Variants in USP34 observed in about 807,000 individuals in gnomAD.
The protein encoded by USP34 is ubiquitin carboxyl-terminal hydrolase 34.
In USP34, 70 loss-of-function variants were observed where a neutral mutation model predicts 460.3. The ratio of observed to expected loss-of-function variants is 0.15; its 90% CI spans 0.13 to 0.19. The LOEUF (loss-of-function observed/expected upper bound fraction) is 0.19. Among genes scored for constraint, USP34 ranks in the 10% least tolerant of loss-of-function variants. USP34 has a pLI of 1.00. For synonymous variants in USP34, 1,647 were observed against 1,405.3 expected, an observed-to-expected ratio of 1.17 and a Z score of -3.85; for missense variants, 3,985 against 4,236.2, an observed-to-expected ratio of 0.94 and a Z score of 1.65.
At position 61,190,423 on chromosome 2, in the gene USP34, G is replaced by C. The variant is rs1466612269; in HGVS notation, c.9730-9C>G. On this transcript the variant is annotated splice_polypyrimidine_tract_variant and intron_variant, in intron 77 of 79. Coordinates refer to ENST00000398571, the MANE Select transcript of USP34 (RefSeq NM_014709.4). ...AACACTTGACTTTGAACCTGAAAAA[G>C]AAGATTTAAAAAAATCTCCAAAAGA... 1.9e-6 allele frequency: 3 copies of C among 1,598,322 alleles called. No homozygotes were observed. The highest frequency in any genetic ancestry group is 1.4e-5 in the African/African-American group (1 of 73,752).
intron 1 of USP34, among the ~76,000 whole-genome samples, chr2:61,433,490 C>T (rs532149766): frequency 5.9e-5 from 9 of 151,970 alleles, no homozygotes; most frequent in Non-Finnish European, 1.0e-4. Flanking sequence ...AAAAATTAGC[C>T]GGGCGTGGTG....
Position 61,188,074 on chromosome 2 carries a change from C to G in USP34, c.*28G>C, listed in dbSNP as rs770540687. 2.2e-5 allele frequency: 35 copies of G among 1,589,108 alleles called. 1 individual carries two copies. The highest frequency in any genetic ancestry group is 2.8e-5 in the Non-Finnish European group (33 of 1,167,602). ...CAGCATGGGGGTTGGGGGTGAGGGA[C>G]TTAAAAGTAGACATGCTACACCTAA... On this transcript the variant is annotated 3_prime_UTR_variant, in exon 80 of 80. Transcript: ENST00000398571.
At chr2:61,262,214 G>C (rs1688911290) in intron 43 of USP34, among the ~76,000 whole-genome samples, 1 of 144,794 alleles carries the variant, frequency 6.9e-6, no homozygotes, top group Non-Finnish European at 1.5e-5. Context: ...CTTATTTTAG[G>C]TTCAGGGGTA....
intron 21 of USP34, 70 bp from the exon 22 acceptor site, chr2:61,319,397 TG>T: frequency 8.5e-7 from 1 of 1,174,640 alleles, no homozygotes; most frequent in Non-Finnish European, 1.1e-6. Flanking sequence ...CTTAGGCATG[TG>T]TATGTACAGT....
intron 3 of USP34, among the ~76,000 whole-genome samples, chr2:61,395,679 G>A (rs1474579455): frequency 2.7e-5 from 4 of 149,080 alleles, no homozygotes; most frequent in East Asian, 3.9e-4. Context: ...CCAGCTACTC[G>A]GGAGGCTGAG....
rs745896985 is a variant in USP34, at chr2:61,188,054, T to C, written c.*48A>G. The C allele has an allele frequency of 1.3e-6, 2 of 1,562,912 alleles. No individual in the cohort carries two copies. Among genetic ancestry groups the C allele is most frequent in the South Asian group, 2.5e-5 (2 of 81,594 alleles). On this transcript the variant is annotated 3_prime_UTR_variant, in exon 80 of 80. Transcript: ENST00000398571. ...ATAAGCAAAACTTATACAAACAGCA[T>C]GGGGGTTGGGGGTGAGGGACTTAAA...
intron 5 of USP34, among the ~76,000 whole-genome samples, chr2:61,392,614 ACT>A (rs1213637909): frequency 2.0e-5 from 3 of 152,108 alleles, no homozygotes; most frequent in African/African-American, 4.8e-5. Flanking sequence ...ACGGAGTGAG[ACT>A]CTGTCTCAAA....
chr2:61,276,798 A>C (rs1359914723), intron 41 of USP34, among the ~76,000 whole-genome samples: 1 of 152,214 alleles, frequency 6.6e-6, no homozygotes, highest in Admixed American at 6.5e-5. Context: ...AGTTTTGTGC[A>C]TTAGGGGAAG....
intron 43 of USP34, among the ~76,000 whole-genome samples, chr2:61,263,639 A>G (rs2060825): frequency 0.89 from 134,673 of 152,022 alleles, 59,775 homozygotes; most frequent in African/African-American, 0.92. Flanking sequence ...CCACCACCAT[A>G]CCCAGCTATT....
chr2:61,255,174 ATTC>A (rs2103891849), intron 48 of USP34, among the ~76,000 whole-genome samples: 1 of 152,328 alleles, frequency 6.6e-6, no homozygotes, highest in South Asian at 2.1e-4. Flanking sequence ...TTTCCAAGAA[ATTC>A]TACTGAAAAT....
At chr2:61,340,586 A>G (rs550030881) in intron 16 of USP34, among the ~76,000 whole-genome samples, 1 of 152,256 alleles carries the variant, frequency 6.6e-6, no homozygotes, top group Admixed American at 6.5e-5. Flanking sequence ...GTCACTCTTA[A>G]TTTCACATAC....
chr2:61,314,342 A>G (rs1446070080), intron 25 of USP34, among the ~76,000 whole-genome samples: 3 of 152,116 alleles, frequency 2.0e-5, no homozygotes, highest in South Asian at 4.1e-4. Flanking sequence ...TTATTCATGC[A>G]TATCTGCTCA....
At chr2:61,219,395 G>A (rs1489974134) in intron 67 of USP34, among the ~76,000 whole-genome samples, 2 of 152,210 alleles carry the variant, frequency 1.3e-5, no homozygotes, top group Non-Finnish European at 2.9e-5. Context: ...TCTGGGCCAG[G>A]TGCGGTGGCT....
At chr2:61,323,012 T>C (rs776375046) in intron 21 of USP34, among the ~76,000 whole-genome samples, 19 of 152,302 alleles carry the variant, frequency 1.2e-4, no homozygotes, top group Non-Finnish European at 2.1e-4. Flanking sequence ...AAAATCAGTA[T>C]TAAAATATTG....
At chr2:61,277,756 G>C (rs1689414215) in intron 41 of USP34, 1 of 158,200 alleles carries the variant, frequency 6.3e-6, no homozygotes, top group East Asian at 1.8e-4. Context: ...ATCTCATCTT[G>C]AATTATATTG....
intron 32 of USP34, among the ~76,000 whole-genome samples, chr2:61,294,056 A>G (rs1689943792): frequency 6.6e-6 from 1 of 151,762 alleles, no homozygotes; most frequent in East Asian, 2.0e-4. Flanking sequence ...AAAAAAATAT[A>G]CACTTGAGGC....
intron 1 of USP34, among the ~76,000 whole-genome samples, chr2:61,431,755 G>A (rs1276031430): frequency 3.3e-5 from 5 of 152,032 alleles, no homozygotes; most frequent in African/African-American, 1.2e-4. Flanking sequence ...CTTGAGACCC[G>A]CGGCAGGAGA....
chr2:61,247,110 C>A (rs1184684696), intron 49 of USP34, among the ~76,000 whole-genome samples: 3 of 152,140 alleles, frequency 2.0e-5, no homozygotes, highest in African/African-American at 7.2e-5. Flanking sequence ...CACTTCCTAT[C>A]CCCAAAGATT....
In USP34 at chr2:61,229,994, G is replaced by T. The variant is rs183550672; in HGVS notation, c.7114-361C>A. ...GGGGAAGGGCCGCTGCTCATCATGG[G>T]GTCAGCAGCTAGGAGAAGGAAATGT... On this transcript the variant is annotated intron_variant, in intron 58 of 79. Coordinates refer to ENST00000398571, the MANE Select transcript of USP34 (RefSeq NM_014709.4). Among the ~76,000 whole-genome samples, 68 of 152,024 alleles carry T rather than the reference G, an allele frequency of 4.5e-4. 1 individual carries two copies. The Middle Eastern group carries it at 0.034, about 77-fold the overall frequency.
Sources: gnomAD v4.1 joint callset for allele counts (sites outside exome capture counted in the v4.1 genomes callset) on GRCh38, gnomAD v4.1.1 for gene constraint, MANE v1.5 for transcripts, NCBI Gene and HGNC (gene_info 2026-07-23, HGNC 2026-07-21) for gene names.